The following ABI3BP variants were observed in gnomAD, a reference collection of about 807,000 sequenced individuals.
ABI3BP encodes target of Nesh-SH3.
In ABI3BP, 216 loss-of-function variants were observed where a neutral mutation model predicts 268.6. That is an observed-to-expected ratio of 0.80 (90% CI 0.72 to 0.90). The LOEUF (loss-of-function observed/expected upper bound fraction) is 0.90. ABI3BP is among the 40% of genes least tolerant of loss of function. The pLI is 0.00. For synonymous variants in ABI3BP, 730 were observed against 730.0 expected, an observed-to-expected ratio of 1.00 and a Z score of 0.00; for missense variants, 2,090 against 2,182.4, an observed-to-expected ratio of 0.96 and a Z score of 0.84.
chr3:100,780,212 A>C lies in ABI3BP; in HGVS notation c.4163-3T>G. ...TGGCCTGGGTGCTTGCTTGACCCCT[A>C]TGAGCAGAGATAATGAAAGGGAATA... is the stretch of plus-strand genomic sequence containing the variant. On this transcript the variant is annotated splice_region_variant and splice_polypyrimidine_tract_variant and intron_variant, in intron 57 of 67. Coordinates refer to ENST00000471714, the MANE Select transcript of ABI3BP (RefSeq NM_001375547.2). 2 of 1,611,026 alleles carry C rather than the reference A, an allele frequency of 1.2e-6. No homozygotes were observed. The highest frequency in any genetic ancestry group is 1.7e-6 in the Non-Finnish European group (2 of 1,178,360).
At chr3:100,977,055 G>A (rs1375266649) in intron 1 of ABI3BP, among the ~76,000 whole-genome samples, 2 of 152,116 alleles carry the variant, frequency 1.3e-5, no homozygotes, top group Non-Finnish European at 2.9e-5. Flanking sequence ...CAGCATTTAT[G>A]CTCAGTTTTT....
chr3:100,954,997 TTTTA>T (rs1417799717), intron 1 of ABI3BP, among the ~76,000 whole-genome samples: 3 of 29,940 alleles, frequency 1.0e-4, no homozygotes, highest in Non-Finnish European at 2.2e-4. Flanking sequence ...TTTTTTTTTT[TTTTA>T]CGAATCATAA....
At chr3:100,949,495 G>A (rs895424834) in intron 1 of ABI3BP, among the ~76,000 whole-genome samples, 1 of 152,078 alleles carries the variant, frequency 6.6e-6, no homozygotes, top group African/African-American at 2.4e-5. Context: ...CGAACACTTG[G>A]CATCAAGGGA....
At chr3:100,830,220 C>T (rs1023773811) in intron 32 of ABI3BP, among the ~76,000 whole-genome samples, 7 of 143,228 alleles carry the variant, frequency 4.9e-5, no homozygotes, top group African/African-American at 1.6e-4. Context: ...CTATGTCACA[C>T]CGTAATAGCT....
intron 41 of ABI3BP, among the ~76,000 whole-genome samples, chr3:100,817,968 C>T (rs1286871195): frequency 6.6e-6 from 1 of 152,120 alleles, no homozygotes; most frequent in Non-Finnish European, 1.5e-5. Context: ...TCAAAGTATT[C>T]CTTGATTCAG....
At chr3:100,796,251 C>T (rs1241093757) in intron 52 of ABI3BP, among the ~76,000 whole-genome samples, 158 bp downstream of exon 52, 2 of 152,144 alleles carry the variant, frequency 1.3e-5, no homozygotes, top group African/African-American at 4.8e-5. Flanking sequence ...ATATTTCAAC[C>T]AGATGATTCA....
chr3:100,888,913 T>A (rs2043197307), intron 4 of ABI3BP, among the ~76,000 whole-genome samples: 1 of 151,976 alleles, frequency 6.6e-6, no homozygotes, highest in African/African-American at 2.4e-5. Flanking sequence ...ATAGGTCTTA[T>A]GATAATAAAC....
chr3:100,910,172 C>T lies in ABI3BP; in HGVS notation c.260-7486G>A, dbSNP rs185551251. Among the ~76,000 whole-genome samples the T allele has an allele frequency of 1.7e-3, 258 of 152,174 alleles. 2 individuals are homozygous for T. The Middle Eastern group carries it at 0.02, about 12-fold the overall frequency. On this transcript the variant is annotated intron_variant, in intron 2 of 67. Transcript: ENST00000471714. Reference sequence around the variant, plus strand: ...ACTAACACAGGAACAGAAAACCAAACGCCACATGTTCTCACTCATTAGTGG... The same window carrying T: ...ACTAACACAGGAACAGAAAACCAAATGCCACATGTTCTCACTCATTAGTGG...
intron 6 of ABI3BP, among the ~76,000 whole-genome samples, chr3:100,881,220 A>G (rs1300916167): frequency 6.6e-6 from 1 of 152,186 alleles, no homozygotes; most frequent in Admixed American, 6.5e-5. Context: ...ATTGCTAAGA[A>G]TGGAAGGATG....
At chr3:100,903,397 T>C (rs2051457009) in intron 2 of ABI3BP, among the ~76,000 whole-genome samples, 1 of 152,260 alleles carries the variant, frequency 6.6e-6, no homozygotes, top group African/African-American at 2.4e-5. Flanking sequence ...TTTTTAAATA[T>C]TGATGTCTGC....
chr3:100,815,296 G>C (rs1047534443), intron 44 of ABI3BP, among the ~76,000 whole-genome samples: 13 of 151,910 alleles, frequency 8.6e-5, no homozygotes, highest in African/African-American at 2.9e-4. Context: ...CATCACTAAG[G>C]GTTCCTTTAG....
intron 1 of ABI3BP, among the ~76,000 whole-genome samples, chr3:100,962,759 G>A (rs574146363): frequency 1.3e-5 from 2 of 152,196 alleles, no homozygotes; most frequent in African/African-American, 2.4e-5. Context: ...CATCTACCTG[G>A]TCATTATATA....
intron 7 of ABI3BP, among the ~76,000 whole-genome samples, chr3:100,876,252 T>C (rs950239040): frequency 6.6e-6 from 1 of 152,210 alleles, no homozygotes; most frequent in African/African-American, 2.4e-5. Flanking sequence ...TTTAACTTGT[T>C]TTAAAAAATT....
At chr3:100,811,384 C>T (rs764252) in intron 47 of ABI3BP, 107 bp from the exon 48 acceptor site, 143,475 of 823,018 alleles carry the variant, frequency 0.17, 14,480 homozygotes, top group South Asian at 0.26. Flanking sequence ...ATTTTACAGA[C>T]AGGACAATGG....
rs1211374573 is a variant in ABI3BP at position 100,750,116 on chromosome 3, A to G, written c.*379T>C. 3 of 225,428 alleles carry G rather than the reference A, an allele frequency of 1.3e-5. No individual in the cohort carries two copies. Among genetic ancestry groups the G allele is most frequent in the Non-Finnish European group, 1.7e-5 (2 of 117,572 alleles). 14.0% of individuals were successfully genotyped at this position (225,428 alleles called of 1,614,324 possible). On this transcript the variant is annotated 3_prime_UTR_variant, in exon 68 of 68. Transcript: ENST00000471714. Reference sequence around the variant, plus strand: ...GAATTAACTCATCAATAGGAAGAGTACACATCAATAAAAGTAAATTTTTTT... The same window carrying G: ...GAATTAACTCATCAATAGGAAGAGTGCACATCAATAAAAGTAAATTTTTTT...
At chr3:100,894,927 G>GA (rs1561382138) in intron 4 of ABI3BP, among the ~76,000 whole-genome samples, 22 of 57,638 alleles carry the variant, frequency 3.8e-4, no homozygotes, top group African/African-American at 1.0e-3. Context: ...CGACAGAGCG[G>GA]GATTCCGCTT....
At chr3:100,764,323 G>A (rs757996671) in intron 63 of ABI3BP, among the ~76,000 whole-genome samples, 1 of 152,336 alleles carries the variant, frequency 6.6e-6, no homozygotes, top group Middle Eastern at 3.4e-3. Flanking sequence ...ACTACTTTGT[G>A]TAGAATCCTT....
At chr3:100,939,454 C>A (rs917665408) in intron 1 of ABI3BP, among the ~76,000 whole-genome samples, 1 of 151,842 alleles carries the variant, frequency 6.6e-6, no homozygotes. Context: ...GGAGAGAGTA[C>A]AAAAGAGAGA....
chr3:100,848,774 A>G, intron 18 of ABI3BP, 27 bp downstream of exon 18: 1 of 1,589,658 alleles, frequency 6.3e-7, no homozygotes, highest in Non-Finnish European at 8.6e-7. Context: ...GGAATTACAT[A>G]TCATGTAAAT....
Sources: allele counts gnomAD v4.1 joint callset (sites outside exome capture counted in the v4.1 genomes callset), GRCh38; gene constraint gnomAD v4.1.1; transcripts MANE v1.5; gene names NCBI Gene and HGNC (gene_info 2026-07-23, HGNC 2026-07-21).